The following CNTN3 variants were observed in gnomAD, a reference collection of about 807,000 sequenced individuals.
CNTN3 encodes the protein contactin-3.
A neutral mutation model predicts 119.1 loss-of-function variants in CNTN3; 60 were observed. That is an observed-to-expected ratio of 0.50 (90% CI 0.41 to 0.62). The LOEUF is 0.62. Among genes scored for constraint, CNTN3 ranks in the 20% least tolerant of loss-of-function variants. The probability of loss-of-function intolerance (pLI) is 0.00; values close to 1 mark genes in which losing one functional copy is unlikely to be tolerated. For missense variants in CNTN3, 1,101 were observed against 1,242.4 expected, an observed-to-expected ratio of 0.89 and a Z score of 1.71; for synonymous variants, 450 against 438.7, an observed-to-expected ratio of 1.03 and a Z score of -0.32.
At chr3:74,431,643 C>T (rs1395759053) in intron 4 of CNTN3, among the ~76,000 whole-genome samples, 1 of 152,036 alleles carries the variant, frequency 6.6e-6, no homozygotes, top group Non-Finnish European at 1.5e-5. Context: ...ATGGGAAATG[C>T]TGAAAAGGCC....
chr3:74,437,378 C>T (rs1701885246), intron 4 of CNTN3, among the ~76,000 whole-genome samples: 2 of 152,046 alleles, frequency 1.3e-5, no homozygotes, highest in East Asian at 1.9e-4. Flanking sequence ...AGGAGAATGG[C>T]GTGAATCCGG....
intron 11 of CNTN3, among the ~76,000 whole-genome samples, chr3:74,344,342 G>A (rs144431759): frequency 1.9e-3 from 268 of 144,782 alleles, no homozygotes; most frequent in African/African-American, 5.5e-3. Context: ...AAAGTCATCC[G>A]CTTTTATTAA....
At chr3:74,301,845 A>G in intron 14 of CNTN3, 40 bp from the exon 15 acceptor site, 2 of 1,599,614 alleles carry the variant, frequency 1.3e-6, no homozygotes, top group Non-Finnish European at 1.7e-6. Flanking sequence ...TAGCAGTTCC[A>G]TAAATGTCAT....
intron 17 of CNTN3, 83 bp downstream of exon 17, chr3:74,299,785 C>A: frequency 9.1e-7 from 1 of 1,093,514 alleles, no homozygotes; most frequent in Non-Finnish European, 1.3e-6. Context: ...ACCACCTGCA[C>A]CATTGGCACC....
Position 74,614,450 on chromosome 3 carries a change from G to A in CNTN3, c.-140C>T, listed in dbSNP as rs1293302994. On this transcript the variant is annotated 5_prime_UTR_variant, in exon 1 of 23. Coordinates refer to ENST00000263665, the MANE Select transcript of CNTN3 (RefSeq NM_020872.3). ...CGGCCCACTCGCCGCCGCCGCCGCCGCCGCCGCCGCCGCCACCGCCGCCGC... is the reference window on the plus strand; with the variant it reads ...CGGCCCACTCGCCGCCGCCGCCGCCACCGCCGCCGCCGCCACCGCCGCCGC... Among the ~76,000 whole-genome samples, 3 of 139,692 alleles carry A rather than the reference G, an allele frequency of 2.1e-5. No homozygotes were observed. Among genetic ancestry groups the A allele is most frequent in the South Asian group, 2.3e-4 (1 of 4,404 alleles). 91.6% of individuals were successfully genotyped at this position (139,692 alleles called of 152,430 possible). A position where few individuals can be genotyped will look rare whatever the true frequency, so the allele number is the denominator to read the frequency against.
chr3:74,364,376 C>G, intron 10 of CNTN3, 91 bp downstream of exon 10: 1 of 1,201,454 alleles, frequency 8.3e-7, no homozygotes, highest in Non-Finnish European at 1.2e-6. Flanking sequence ...GATGTAGGAA[C>G]CTAATGTGAA....
At chr3:74,595,041 T>C (rs1704778038) in intron 1 of CNTN3, among the ~76,000 whole-genome samples, 1 of 152,072 alleles carries the variant, frequency 6.6e-6, no homozygotes. Flanking sequence ...ATTTCTCTGA[T>C]GGCCAGTGAT....
intron 2 of CNTN3, among the ~76,000 whole-genome samples, chr3:74,517,238 C>G (rs1703466348): frequency 6.6e-6 from 1 of 151,946 alleles, no homozygotes; most frequent in Admixed American, 6.6e-5. Flanking sequence ...ACGATCTGGC[C>G]TTTAACTTCT....
intron 1 of CNTN3, among the ~76,000 whole-genome samples, chr3:74,608,986 G>GT (rs1329977587): frequency 6.6e-6 from 1 of 152,180 alleles, no homozygotes; most frequent in African/African-American, 2.4e-5. Context: ...TTGACAAATG[G>GT]TAAGGTTGGA....
chr3:74,538,327 A>G (rs1051279367), intron 1 of CNTN3, among the ~76,000 whole-genome samples: 4 of 152,158 alleles, frequency 2.6e-5, no homozygotes, highest in Non-Finnish European at 5.9e-5. Flanking sequence ...TTTTGGTTAC[A>G]TAATCCACTA....
intron 13 of CNTN3, among the ~76,000 whole-genome samples, chr3:74,326,025 G>A (rs1242082921): frequency 6.6e-6 from 1 of 152,074 alleles, no homozygotes; most frequent in Non-Finnish European, 1.5e-5. Context: ...CTGATTGGTA[G>A]TATTTTAAAG....
chr3:74,513,850 T>G (rs537564151), intron 2 of CNTN3, among the ~76,000 whole-genome samples: 1 of 152,028 alleles, frequency 6.6e-6, no homozygotes, highest in East Asian at 1.9e-4. Flanking sequence ...CCAGATGGTA[T>G]AAAGAGAAAG....
chr3:74,319,561 C>A (rs1275674730), intron 13 of CNTN3, among the ~76,000 whole-genome samples: 1 of 151,978 alleles, frequency 6.6e-6, no homozygotes, highest in Non-Finnish European at 1.5e-5. Context: ...ACCATAAAAA[C>A]CCTAGAAGAG....
At chr3:74,397,690 T>A (rs1705091017) in intron 5 of CNTN3, among the ~76,000 whole-genome samples, 1 of 152,172 alleles carries the variant, frequency 6.6e-6, no homozygotes, top group Non-Finnish European at 1.5e-5. Flanking sequence ...AGATTGTAGG[T>A]GCCGTAGATG....
intron 4 of CNTN3, among the ~76,000 whole-genome samples, chr3:74,471,066 G>A (rs972999484): frequency 6.6e-6 from 1 of 152,020 alleles, no homozygotes; most frequent in Admixed American, 6.6e-5. Flanking sequence ...TAGTAGAGAT[G>A]GGGTTTCATC....
intron 4 of CNTN3, among the ~76,000 whole-genome samples, chr3:74,435,795 G>C (rs1204349762): frequency 1.3e-5 from 2 of 152,148 alleles, no homozygotes; most frequent in African/African-American, 2.4e-5. Flanking sequence ...TGATAAAGCT[G>C]AGATCACATC....
At chr3:74,408,172 T>C (rs2106864606) in intron 5 of CNTN3, among the ~76,000 whole-genome samples, 1 of 152,320 alleles carries the variant, frequency 6.6e-6, no homozygotes, top group Non-Finnish European at 1.5e-5. Flanking sequence ...GCTAATGTGC[T>C]TCAAAGGAAA....
intron 17 of CNTN3, 114 bp from the exon 18 acceptor site, chr3:74,298,305 T>C (rs1177625498): frequency 1.0e-5 from 6 of 571,934 alleles, no homozygotes; most frequent in Admixed American, 7.6e-5. Flanking sequence ...TCATCTACAT[T>C]GTATTAAGCA....
rs535933196 is a variant in CNTN3 at position 74,385,555 on chromosome 3, C to T, written c.455-14156G>A. On this transcript the variant is annotated intron_variant, in intron 5 of 22. Transcript: ENST00000263665. ...TTGGAGTCATAGGATTTGAGGTTTA[C>T]ACTTGTCTTTGTCCTCTAGGTGTGT... 2.0e-5 allele frequency among the ~76,000 whole-genome samples: 3 copies of T among 152,318 alleles called. No homozygotes were observed. In the East Asian group the frequency reaches 5.8e-4, roughly 29 times the overall value.
Sources: gnomAD v4.1 joint callset for allele counts (sites outside exome capture counted in the v4.1 genomes callset) on GRCh38, gnomAD v4.1.1 for gene constraint, MANE v1.5 for transcripts, NCBI Gene and HGNC (gene_info 2026-07-23, HGNC 2026-07-21) for gene names.